TRIM17: variants seen among roughly 807,000 people sequenced by gnomAD.
TRIM17 encodes tripartite motif containing 17.
A neutral mutation model predicts 35.8 loss-of-function variants in TRIM17; 27 were observed. The ratio of observed to expected loss-of-function variants is 0.75; its 90% CI spans 0.56 to 1.04. The LOEUF (loss-of-function observed/expected upper bound fraction) is 1.04, where lower values mean the gene tolerates loss of function less well. Among genes scored for constraint, TRIM17 ranks in the 50% least tolerant of loss-of-function variants. The probability of loss-of-function intolerance (pLI) is 0.00; values close to 1 mark genes in which losing one functional copy is unlikely to be tolerated. For synonymous variants in TRIM17, 246 were observed against 252.6 expected (o/e 0.97, Z 0.25); for missense variants, 582 against 612.8 (o/e 0.95, Z 0.53).
At chr1:228,414,605 C>T (rs778921698) in intron 2 of TRIM17, 39 bp downstream of exon 2, 1 of 1,568,716 alleles carries the variant, frequency 6.4e-7, no homozygotes, top group East Asian at 2.3e-5. Flanking sequence ...CTGGATGCCT[C>T]CTCCCCGGCC....
rs760488272 is a variant in TRIM17, at chr1:228,415,084, G to A, written c.-12C>T. On this transcript the variant is annotated 5_prime_UTR_variant, in exon 2 of 7. Coordinates refer to ENST00000366698, the MANE Select transcript of TRIM17 (RefSeq NM_016102.4). ...TCCACAGCCTCCATGGCTCCTGGGAGACACGAGGCAGGTTCCCGCTTGAGG... is the reference window on the plus strand; with the variant it reads ...TCCACAGCCTCCATGGCTCCTGGGAAACACGAGGCAGGTTCCCGCTTGAGG... 20 of 1,593,160 alleles carry A rather than the reference G, an allele frequency of 1.3e-5. No homozygotes were observed. Among genetic ancestry groups the A allele is most frequent in the Non-Finnish European group, 1.6e-5 (19 of 1,166,810 alleles).
Position 228,414,837 on chromosome 1 carries a change from A to C in TRIM17, c.236T>G (p.Leu79Arg). The change falls in exon 2 of 7, where the codon CTG becomes CGG. Residue 79 changes from leucine to arginine, a missense_variant. Leu to Arg is a moderately radical substitution (Grantham distance 102, BLOSUM62 -2). Transcript: ENST00000366698. ...SPQRNLLPNR[L>R]LTKVAEMAQQ... ...CGCCATCTCGGCCACCTTGGTCAGC[A>C]GCCGGTTGGGCAGCAGGTTCCTCTG... is the stretch of plus-strand genomic sequence containing the variant. 6.2e-7 allele frequency: 1 copy of C among 1,613,610 alleles called. No individual in the cohort carries two copies. Among genetic ancestry groups the C allele is most frequent in the Non-Finnish European group, 8.5e-7 (1 of 1,180,032 alleles).
Position 228,416,658 on chromosome 1 carries a change from C to T in TRIM17, c.-161G>A. 3.1e-6 allele frequency: 3 copies of T among 983,232 alleles called. No individual in the cohort carries two copies. The highest frequency in any genetic ancestry group is 3.6e-6 in the Non-Finnish European group (3 of 829,434). 60.9% of individuals were successfully genotyped at this position (983,232 alleles called of 1,614,324 possible). A position where few individuals can be genotyped will look rare whatever the true frequency, so the allele number is the denominator to read the frequency against. ...TGCGGCCCGGCCCGGGGCGTGGGGACCTGGGGTCGGGAGGCCTAGGGACTT... is the reference window on the plus strand; with the variant it reads ...TGCGGCCCGGCCCGGGGCGTGGGGATCTGGGGTCGGGAGGCCTAGGGACTT... On this transcript the variant is annotated 5_prime_UTR_variant, in exon 1 of 7. Coordinates refer to ENST00000366698, the MANE Select transcript of TRIM17 (RefSeq NM_016102.4).
rs1244393806 is a variant in TRIM17 at position 228,409,385 on chromosome 1, A to G, written c.779+4T>C. The G allele has an allele frequency of 1.9e-6, 3 of 1,566,470 alleles. No individual in the cohort carries two copies. Among genetic ancestry groups the G allele is most frequent in the Admixed American group, 1.9e-5 (1 of 51,714 alleles). On this transcript the variant is annotated splice_donor_region_variant and intron_variant, in intron 5 of 6. Transcript: ENST00000366698. ...CCCCGCCCCTGCCTGAGGGGACCACATACCTGCTCAGGGGTTCCTTCATGT... is the reference window on the plus strand; with the variant it reads ...CCCCGCCCCTGCCTGAGGGGACCACGTACCTGCTCAGGGGTTCCTTCATGT...
In TRIM17 at chr1:228,411,608, G is replaced by A. The variant is rs1211496253; in HGVS notation, c.526-432C>T. Among the ~76,000 whole-genome samples the A allele has an allele frequency of 4.0e-5, 6 of 151,894 alleles. No individual in the cohort carries two copies. On this transcript the variant is annotated intron_variant, in intron 3 of 6. Transcript: ENST00000366698. This position sits in a 1 kb window ranked among gnomAD's most constrained non-coding sequence, Gnocchi z 4.2. ...TCTGAGTAGCTGGGACCACAGGCATGCACCACCACATCCAGCTAGTTTTTA... is the reference window on the plus strand; with the variant it reads ...TCTGAGTAGCTGGGACCACAGGCATACACCACCACATCCAGCTAGTTTTTA...
chr1:228,416,386 C>G, intron 1 of TRIM17, 153 bp downstream of exon 1: 5 of 985,850 alleles, frequency 5.1e-6, no homozygotes, highest in Non-Finnish European at 4.8e-6. Flanking sequence ...GGTAGAGTTA[C>G]CTTGTTGAAG....
Position 228,408,836 on chromosome 1 carries a change from G to A in TRIM17, c.884-85C>T. 1 of 1,524,386 alleles carries A rather than the reference G, an allele frequency of 6.6e-7. No homozygotes were observed. The highest frequency in any genetic ancestry group is 8.8e-7 in the Non-Finnish European group (1 of 1,141,342). The allele number at this position is 1,524,386 out of a possible 1,614,324, so 94.4% of individuals were successfully genotyped here. A position where few individuals can be genotyped will look rare whatever the true frequency, so the allele number is the denominator to read the frequency against. On this transcript the variant is annotated intron_variant, in intron 6 of 6. Transcript: ENST00000366698. This position sits in a 1 kb window ranked among gnomAD's most constrained non-coding sequence, Gnocchi z 6.3. Reference sequence around the variant, plus strand: ...GTGGGAGTCCCCGGGCCCTAGTGGTGGATGTGGCCAATGGTCCCCTAACTC... The same window carrying A: ...GTGGGAGTCCCCGGGCCCTAGTGGTAGATGTGGCCAATGGTCCCCTAACTC...
chr1:228,409,893 C>A (rs913871965), intron 4 of TRIM17, among the ~76,000 whole-genome samples: 16 of 152,098 alleles, frequency 1.1e-4, no homozygotes, highest in Non-Finnish European at 1.6e-4. Flanking sequence ...CTTCTCTGGC[C>A]TGGAAGCTAC....
At position 228,408,838 on chromosome 1, in the gene TRIM17, A is replaced by T; in HGVS notation, c.884-87T>A. The T allele has an allele frequency of 6.6e-7, 1 of 1,520,488 alleles. No homozygotes were observed. Among genetic ancestry groups the T allele is most frequent in the Non-Finnish European group, 8.8e-7 (1 of 1,139,158 alleles). The allele number at this position is 1,520,488 out of a possible 1,614,324, so 94.2% of individuals were successfully genotyped here. A position where few individuals can be genotyped will look rare whatever the true frequency, so the allele number is the denominator to read the frequency against. On this transcript the variant is annotated intron_variant, in intron 6 of 6. Coordinates refer to ENST00000366698, the MANE Select transcript of TRIM17 (RefSeq NM_016102.4). This position sits in a 1 kb window ranked among gnomAD's most constrained non-coding sequence, Gnocchi z 6.3. ...GGGAGTCCCCGGGCCCTAGTGGTGG[A>T]TGTGGCCAATGGTCCCCTAACTCCG... is the stretch of plus-strand genomic sequence containing the variant.
chr1:228,410,939 G>A lies in TRIM17; in HGVS notation c.756+7C>T. 6.5e-7 allele frequency: 1 copy of A among 1,528,584 alleles called. No homozygotes were observed. Among genetic ancestry groups the A allele is most frequent in the African/African-American group, 1.4e-5 (1 of 72,874 alleles). The allele number at this position is 1,528,584 out of a possible 1,614,324, so 94.7% of individuals were successfully genotyped here. ...TCCCACCCTGCCTGCCAAGCCTACT[G>A]GCTCACCTGCAGCATCTGGAGGGGC... On this transcript the variant is annotated splice_region_variant and intron_variant, in intron 4 of 6. Coordinates refer to ENST00000366698, the MANE Select transcript of TRIM17 (RefSeq NM_016102.4). The surrounding 1 kb of genome is among the most constrained non-coding windows in gnomAD (Gnocchi z 4.6).
At position 228,411,027 on chromosome 1, in the gene TRIM17, C is replaced by T. The variant is rs1656751989; in HGVS notation, c.675G>A (p.Leu225=). 1.2e-6 allele frequency: 2 copies of T among 1,613,046 alleles called. No individual in the cohort carries two copies. The highest frequency in any genetic ancestry group is 1.7e-6 in the Non-Finnish European group (2 of 1,179,818). The change falls in exon 4 of 7, where the codon CTG becomes CTA. Residue 225 remains leucine, a synonymous_variant. Coordinates refer to ENST00000366698, the MANE Select transcript of TRIM17 (RefSeq NM_016102.4). The surrounding 1 kb of genome is among the most constrained non-coding windows in gnomAD (Gnocchi z 4.2). The part of the protein sequence containing the change: ...ASRLRESVAC[L]DRQGHSLELL... ...GCTCCAGAGAGTGACCCTGCCGGTCCAGGCAGGCCACGCTCTCCCGGAGCC... is the reference window on the plus strand; with the variant it reads ...GCTCCAGAGAGTGACCCTGCCGGTCTAGGCAGGCCACGCTCTCCCGGAGCC...
chr1:228,412,850 C>G (rs1656860123), intron 3 of TRIM17, among the ~76,000 whole-genome samples: 2 of 152,092 alleles, frequency 1.3e-5, no homozygotes, highest in African/African-American at 4.8e-5. Context: ...TTAAGGTTAA[C>G]TAAAGGCCAT....
At chr1:228,416,345 T>C (rs1475337116) in intron 1 of TRIM17, 194 bp downstream of exon 1, 18 of 985,370 alleles carry the variant, frequency 1.8e-5, no homozygotes, top group South Asian at 4.7e-5. Context: ...CCGGGATGGC[T>C]GTCCTTCCCG....
chr1:228,413,183 C>T (rs951377559), intron 3 of TRIM17, among the ~76,000 whole-genome samples: 3 of 147,482 alleles, frequency 2.0e-5, no homozygotes, highest in Non-Finnish European at 4.4e-5. Context: ...TGGATTCCAG[C>T]CTGGGCAACA....
In TRIM17 at chr1:228,408,800, C is replaced by T. The variant is rs768862523; in HGVS notation, c.884-49G>A. On this transcript the variant is annotated intron_variant, in intron 6 of 6. Transcript: ENST00000366698. This position sits in a 1 kb window ranked among gnomAD's most constrained non-coding sequence, Gnocchi z 6.3. Reference sequence around the variant, plus strand: ...GAGATGGGGAGAGGTGTGGGGCATTCAGGGTCAAAGGTGGGAGTCCCCGGG... The same window carrying T: ...GAGATGGGGAGAGGTGTGGGGCATTTAGGGTCAAAGGTGGGAGTCCCCGGG... 1 of 1,565,580 alleles carries T rather than the reference C, an allele frequency of 6.4e-7. No individual in the cohort carries two copies. The highest frequency in any genetic ancestry group is 8.6e-7 in the Non-Finnish European group (1 of 1,161,414).
chr1:228,408,032 A>T lies in TRIM17; in HGVS notation c.*169T>A. 1.7e-6 allele frequency: 1 copy of T among 589,488 alleles called. No individual in the cohort carries two copies. Among genetic ancestry groups the T allele is most frequent in the Non-Finnish European group, 2.7e-6 (1 of 364,946 alleles). The allele number at this position is 589,488 out of a possible 1,614,324, so 36.5% of individuals were successfully genotyped here. ...GAAGCATCTGTCAGTATACCCTCTT[A>T]ATGTTTGACAGTTCTAATCACAATT... On this transcript the variant is annotated 3_prime_UTR_variant, in exon 7 of 7. Transcript: ENST00000366698. The surrounding 1 kb of genome is among the most constrained non-coding windows in gnomAD (Gnocchi z 6.3).
rs762762045 is a variant in TRIM17 at position 228,409,167 on chromosome 1, C to G, written c.883+5G>C. The G allele has an allele frequency of 1.2e-6, 2 of 1,614,068 alleles. No individual in the cohort carries two copies. Among genetic ancestry groups the G allele is most frequent in the Non-Finnish European group, 1.7e-6 (2 of 1,179,994 alleles). The stretch of plus-strand genomic sequence containing the variant: ...CAGAGGTCCTGGCCCTGGGTGCCCA[C>G]TTACCTAGAAAGCCTCTTAGCACTT... On this transcript the variant is annotated splice_donor_5th_base_variant and intron_variant, in intron 6 of 6. Coordinates refer to ENST00000366698, the MANE Select transcript of TRIM17 (RefSeq NM_016102.4).
rs1656723613 is a variant in TRIM17, at chr1:228,410,627, G to A, written c.756+319C>T. ...TGTTTGGAGATAGCATCTTTAAGGA[G>A]GGAGTTGAGGTCACTGGGGTGGGCC... On this transcript the variant is annotated intron_variant, in intron 4 of 6. Coordinates refer to ENST00000366698, the MANE Select transcript of TRIM17 (RefSeq NM_016102.4). The surrounding 1 kb of genome is among the most constrained non-coding windows in gnomAD (Gnocchi z 4.6). Among the ~76,000 whole-genome samples, 1 of 152,214 alleles carries A rather than the reference G, an allele frequency of 6.6e-6. No individual in the cohort carries two copies. The highest frequency in any genetic ancestry group is 1.5e-5 in the Non-Finnish European group (1 of 68,034).
At chr1:228,416,235 C>G (rs2149119196) in intron 1 of TRIM17, among the ~76,000 whole-genome samples, 1 of 152,328 alleles carries the variant, frequency 6.6e-6, no homozygotes, top group African/African-American at 2.4e-5. Flanking sequence ...GGCGCCAGCC[C>G]TCCGACTCCC....
Sources: gnomAD v4.1 joint callset for allele counts (sites outside exome capture counted in the v4.1 genomes callset) on GRCh38, gnomAD v4.1.1 for gene constraint, Gnocchi (gnomAD v3.1) non-coding constraint, MANE v1.5 for transcripts, NCBI Gene and HGNC (gene_info 2026-07-23, HGNC 2026-07-21) for gene names.